DGKH: variants seen among roughly 807,000 people sequenced by gnomAD.
DGKH encodes diacylglycerol kinase eta.
DGKH carries 90 observed loss-of-function variants against 159.3 expected under a neutral mutation model. The ratio of observed to expected loss-of-function variants is 0.57; its 90% confidence interval spans 0.48 to 0.67. The LOEUF is 0.67. Ranked by LOEUF, DGKH falls within the 30% of genes least tolerant of loss-of-function variation. DGKH has a pLI of 0.00. For synonymous variants in DGKH, 536 were observed against 553.8 expected (o/e 0.97, Z 0.45); for missense variants, 1,181 against 1,506.1 (o/e 0.78, Z 3.57).
intron 29 of DGKH, among the ~76,000 whole-genome samples, chr13:42,249,380 C>T (rs550532876): frequency 2.0e-5 from 3 of 152,338 alleles, no homozygotes; most frequent in African/African-American, 4.8e-5. Context: ...CACTGCACTC[C>T]TGCCTGGGCA....
chr13:42,168,411 T>A, intron 9 of DGKH, 29 bp from the exon 10 acceptor site: 1 of 1,576,878 alleles, frequency 6.3e-7, no homozygotes, highest in Non-Finnish European at 8.7e-7. Context: ...TATTTCTTTA[T>A]ACTAAAATAA....
intron 7 of DGKH, among the ~76,000 whole-genome samples, chr13:42,164,850 G>A (rs1167315915): frequency 3.3e-5 from 5 of 152,076 alleles, no homozygotes; most frequent in African/African-American, 1.2e-4. Context: ...AGAAAGTTAT[G>A]GGATTACTGC....
rs533658047 is a variant in DGKH at position 42,060,510 on chromosome 13, C to G, written c.192+11545C>G. ...ATTTGTGCAGTCTACTCATTCCCGG[C>G]CAAATTTTGCTCCACAGCTTTTATG... On this transcript the variant is annotated intron_variant, in intron 1 of 29. Transcript: ENST00000337343. Among the ~76,000 whole-genome samples, 7 of 152,274 alleles carry G rather than the reference C, an allele frequency of 4.6e-5. No individual in the cohort carries two copies. The South Asian group carries it at 1.5e-3, about 32-fold the overall frequency.
At chr13:42,218,031 T>C (rs1237735313) in intron 26 of DGKH, among the ~76,000 whole-genome samples, 3 of 151,952 alleles carry the variant, frequency 2.0e-5, no homozygotes, top group Non-Finnish European at 4.4e-5. Context: ...CAAGACTCTG[T>C]CTCAAATCAT....
At chr13:42,072,288 C>T (rs533896951) in intron 1 of DGKH, among the ~76,000 whole-genome samples, 1 of 152,318 alleles carries the variant, frequency 6.6e-6, no homozygotes, top group Admixed American at 6.5e-5. Flanking sequence ...TATTTACCCT[C>T]TAAGTGACTT....
chr13:42,073,547 C>A (rs1410757632), intron 1 of DGKH, among the ~76,000 whole-genome samples: 1 of 152,136 alleles, frequency 6.6e-6, no homozygotes, highest in Non-Finnish European at 1.5e-5. Context: ...AAATAGGCTT[C>A]ATGTTAGATG....
intron 11 of DGKH, among the ~76,000 whole-genome samples, chr13:42,173,476 C>T (rs1443641997): frequency 1.3e-5 from 2 of 152,050 alleles, no homozygotes; most frequent in African/African-American, 4.8e-5. Context: ...TTAATATTTT[C>T]CCCCTACTCT....
chr13:42,204,847 A>G (rs1191456129), intron 20 of DGKH, among the ~76,000 whole-genome samples: 1 of 152,158 alleles, frequency 6.6e-6, no homozygotes, highest in Non-Finnish European at 1.5e-5. Context: ...TTTTCCTTCC[A>G]TCTTTGCTAA....
intron 29 of DGKH, among the ~76,000 whole-genome samples, chr13:42,250,265 G>A (rs1290646042): frequency 2.0e-5 from 3 of 150,184 alleles, no homozygotes; most frequent in Non-Finnish European, 4.4e-5. Context: ...CCCCACGACC[G>A]GCCACTCCAG....
downstream of DGKH, among the ~76,000 whole-genome samples, chr13:42,243,083 G>A (rs145828503): frequency 6.6e-6 from 1 of 152,222 alleles, no homozygotes; most frequent in Non-Finnish European, 1.5e-5. Flanking sequence ...CCAGGACATT[G>A]AGATGCATAA....
At chr13:42,172,365 G>A (rs928970172) in intron 11 of DGKH, among the ~76,000 whole-genome samples, 1 of 152,170 alleles carries the variant, frequency 6.6e-6, no homozygotes, top group Non-Finnish European at 1.5e-5. Flanking sequence ...TGATCTGCCC[G>A]CCTCAGCCTC....
intron 9 of DGKH, 25 bp downstream of exon 9, chr13:42,166,699 T>C: frequency 1.3e-6 from 2 of 1,553,126 alleles, no homozygotes; most frequent in Non-Finnish European, 1.7e-6. Context: ...ATAAATCTTA[T>C]TTGAATACAA....
chr13:42,090,293 G>A (rs1954391866), intron 1 of DGKH, among the ~76,000 whole-genome samples: 1 of 152,144 alleles, frequency 6.6e-6, no homozygotes, highest in Admixed American at 6.5e-5. Context: ...TTATATATTG[G>A]GAGGAATTAA....
In DGKH at chr13:42,230,033, C is replaced by T. The variant is rs1412839809; in HGVS notation, c.*845C>T. On this transcript the variant is annotated 3_prime_UTR_variant, in exon 30 of 30. Transcript: ENST00000337343. ...ATTTCAATCTATCATAAGCAGTAGG[C>T]GTGCACGTTAAGAAAATTCTCTGGA... 2 of 152,108 alleles carry T rather than the reference C, an allele frequency of 1.3e-5. No homozygotes were observed. 9.4% of individuals were successfully genotyped at this position (152,108 alleles called of 1,614,324 possible).
At position 42,053,618 on chromosome 13, in the gene DGKH, G is replaced by GTA. The variant is rs558542510; in HGVS notation, c.192+4665_192+4666dup. ...TATATGTATATATATAACTATATAT[G>GTA]TATATATATATATTTTTTTGAGACG... On this transcript the variant is annotated intron_variant, in intron 1 of 29. Coordinates refer to ENST00000337343, the MANE Select transcript of DGKH (RefSeq NM_178009.5). 1.6e-4 allele frequency among the ~76,000 whole-genome samples: 22 copies of GTA among 137,244 alleles called. No homozygotes were observed. The East Asian group carries it at 1.6e-3, about 10-fold the overall frequency. The allele number at this position is 137,244 out of a possible 152,430, so 90.0% of individuals were successfully genotyped here.
At chr13:42,210,325 A>G (rs918152679) in intron 23 of DGKH, among the ~76,000 whole-genome samples, 5 of 151,938 alleles carry the variant, frequency 3.3e-5, no homozygotes, top group Non-Finnish European at 7.4e-5. Context: ...TTTTGTAGAG[A>G]TGAGGTCTCA....
chr13:42,054,348 G>A (rs2137649997), intron 1 of DGKH, among the ~76,000 whole-genome samples: 1 of 152,314 alleles, frequency 6.6e-6, no homozygotes, highest in South Asian at 2.1e-4. Flanking sequence ...GGAAATGAGA[G>A]TAAAGTGATA....
Position 42,103,467 on chromosome 13 carries a change from G to A in DGKH, c.193-23996G>A, listed in dbSNP as rs117322587. On this transcript the variant is annotated intron_variant, in intron 1 of 29. Transcript: ENST00000337343. ...CATGTTGGCGAAGCACCTGGAGACA[G>A]GGCCAGCTCTGACTCACTTCCCTCT... Among the ~76,000 whole-genome samples, 199 of 152,330 alleles carry A rather than the reference G, an allele frequency of 1.3e-3. 2 individuals carry two copies. The highest frequency in any genetic ancestry group is 0.01 in the Middle Eastern group (3 of 294).
Position 42,048,897 on chromosome 13 carries a change from G to T in DGKH, c.124G>T (p.Glu42Ter). ...AGPGEDSSDS[E>*]AEQEGPQKLI... ...GCCGGGAGAGGATTCGTCTGACAGC[G>T]AAGCGGAGCAAGAGGGACCCCAGAA... Residue 42 changes from glutamate (E) to a stop codon, truncating the protein, a stop_gained, in exon 1 of 30, where the codon GAA (glutamate) becomes TAA (stop). Transcript: ENST00000337343. LOFTEE classifies it high-confidence loss of function. The surrounding 1 kb of genome is among the most constrained non-coding windows in gnomAD (Gnocchi z 6.7). 1 of 1,372,702 alleles carries T rather than the reference G, an allele frequency of 7.3e-7. No homozygotes were observed. Among genetic ancestry groups the T allele is most frequent in the Non-Finnish European group, 9.5e-7 (1 of 1,057,240 alleles). The allele number at this position is 1,372,702 out of a possible 1,614,324, so 85.0% of individuals were successfully genotyped here.
Sources: allele counts gnomAD v4.1 joint callset (sites outside exome capture counted in the v4.1 genomes callset), GRCh38; gene constraint gnomAD v4.1.1; non-coding constraint Gnocchi (gnomAD v3.1); transcripts MANE v1.5; gene names NCBI Gene and HGNC (gene_info 2026-07-23, HGNC 2026-07-21).